The following RELN variants were observed in gnomAD, a reference collection of about 807,000 sequenced individuals.
RELN encodes the protein reelin.
Under a neutral mutation model 427.6 loss-of-function variants are expected in RELN, and 108 were observed. The ratio of observed to expected loss-of-function variants is 0.25; its 90% confidence interval spans 0.22 to 0.30. The LOEUF (loss-of-function observed/expected upper bound fraction) is 0.30. RELN is among the 10% of genes least tolerant of loss of function. The pLI is 1.00. For synonymous variants in RELN, 1,524 were observed against 1,513.4 expected (o/e 1.01, Z -0.16); for missense variants, 3,715 against 4,302.8 (o/e 0.86, Z 3.82).
At chr7:103,834,727 G>A (rs1377098210) in intron 2 of RELN, among the ~76,000 whole-genome samples, 2 of 152,100 alleles carry the variant, frequency 1.3e-5, no homozygotes, top group Non-Finnish European at 2.9e-5. Context: ...TTAGGGAACT[G>A]CACATTGAAA....
chr7:103,879,577 A>G (rs776677682), intron 2 of RELN, among the ~76,000 whole-genome samples: 1 of 152,172 alleles, frequency 6.6e-6, no homozygotes, highest in Non-Finnish European at 1.5e-5. Context: ...ACCAACAACT[A>G]GGCTTCCTGC....
chr7:103,489,326 G>A (rs1033863893), intron 60 of RELN, among the ~76,000 whole-genome samples: 2 of 152,046 alleles, frequency 1.3e-5, no homozygotes, highest in Non-Finnish European at 2.9e-5. Context: ...TGAGGAAGGA[G>A]GGATACTGGT....
rs772610652 is a variant in RELN, at chr7:103,573,581, A to G, written c.4511+511T>C. 6.6e-6 allele frequency among the ~76,000 whole-genome samples: 1 copy of G among 152,246 alleles called. No individual in the cohort carries two copies. Among genetic ancestry groups the G allele is most frequent in the Non-Finnish European group, 1.5e-5 (1 of 68,044 alleles). ...AAATAATTTAATTGCTCTTTTAAAA[A>G]GCAGTTTTATTTTAGGTGTGCTATT... On this transcript the variant is annotated intron_variant, in intron 30 of 64. Transcript: ENST00000428762. This position sits in a 1 kb window ranked among gnomAD's most constrained non-coding sequence, Gnocchi z 4.4.
Position 103,561,968 on chromosome 7 carries a change from A to C in RELN, c.5211-15T>G. The C allele has an allele frequency of 6.2e-7, 1 of 1,605,202 alleles. No individual in the cohort carries two copies. Among genetic ancestry groups the C allele is most frequent in the Middle Eastern group, 1.7e-4 (1 of 6,042 alleles). ...TCCTGGGAGAACTAACCAAAAAAAA[A>C]AAAAAAAAAACACACCACTGGTTTG... On this transcript the variant is annotated splice_polypyrimidine_tract_variant and intron_variant, in intron 34 of 64. Transcript: ENST00000428762.
Position 103,917,260 on chromosome 7 carries a change from T to C in RELN, c.227-75A>G, listed in dbSNP as rs370105826. ...CAATATATTTCTGAAGTGTTAGACA[T>C]TGTCAAAACAATCTTTACTCATTAA... is the stretch of plus-strand genomic sequence containing the variant. On this transcript the variant is annotated intron_variant, in intron 1 of 64. Coordinates refer to ENST00000428762, the MANE Select transcript of RELN (RefSeq NM_005045.4). The C allele has an allele frequency of 9.4e-5, 107 of 1,144,060 alleles. 1 individual carries two copies. The highest frequency in any genetic ancestry group is 8.2e-4 in the East Asian group (35 of 42,582). The allele number at this position is 1,144,060 out of a possible 1,614,324, so 70.9% of individuals were successfully genotyped here. A position where few individuals can be genotyped will look rare whatever the true frequency, so the allele number is the denominator to read the frequency against.
chr7:103,596,712 A>T, intron 24 of RELN, 51 bp from the exon 25 acceptor site: 1 of 1,535,644 alleles, frequency 6.5e-7, no homozygotes, highest in Non-Finnish European at 9.0e-7. Context: ...GTTCTTTGGC[A>T]TTTTGTTGTT....
intron 3 of RELN, among the ~76,000 whole-genome samples, chr7:103,818,353 G>A (rs937825505): frequency 5.9e-5 from 9 of 152,158 alleles, no homozygotes; most frequent in African/African-American, 2.2e-4. Context: ...ACTGCAAAAT[G>A]AGAAACAATG....
intron 43 of RELN, among the ~76,000 whole-genome samples, chr7:103,540,941 A>G (rs1830164778): frequency 1.3e-5 from 2 of 152,168 alleles, no homozygotes; most frequent in Admixed American, 1.3e-4. Flanking sequence ...TTCAGATCTC[A>G]TATTATTGGC....
chr7:103,766,816 C>T (rs887327557), intron 4 of RELN, among the ~76,000 whole-genome samples: 3 of 152,224 alleles, frequency 2.0e-5, no homozygotes, highest in African/African-American at 7.2e-5. Context: ...ACTGCTGAGC[C>T]TGGCAGAAAG....
chr7:103,554,869 T>C (rs562774537), intron 38 of RELN, among the ~76,000 whole-genome samples: 12 of 152,332 alleles, frequency 7.9e-5, no homozygotes, highest in African/African-American at 2.9e-4. Context: ...GAGCAATTCA[T>C]GCTTTTTAGG....
intron 60 of RELN, among the ~76,000 whole-genome samples, chr7:103,488,829 T>C (rs1828539154): frequency 6.6e-6 from 1 of 152,178 alleles, no homozygotes; most frequent in African/African-American, 2.4e-5. Flanking sequence ...ATAATTATAT[T>C]AACCATAGAT....
In RELN at chr7:103,569,066, TG is replaced by T. The variant is rs1438051302; in HGVS notation, c.4589-2308del. Reference sequence around the variant, plus strand: ...CTTGCTTCTAATGAATAGAATATGGTGGAAGTAATGGTGTGTAACTTTGGAA... The same window carrying T: ...CTTGCTTCTAATGAATAGAATATGGTGAAGTAATGGTGTGTAACTTTGGAA... On this transcript the variant is annotated intron_variant, in intron 31 of 64. Transcript: ENST00000428762. The surrounding 1 kb of genome is among the most constrained non-coding windows in gnomAD (Gnocchi z 4.0). 6.6e-6 allele frequency among the ~76,000 whole-genome samples: 1 copy of T among 152,196 alleles called. No homozygotes were observed. The highest frequency in any genetic ancestry group is 1.5e-5 in the Non-Finnish European group (1 of 68,036).
intron 49 of RELN, among the ~76,000 whole-genome samples, chr7:103,515,793 T>A (rs1001121584): frequency 1.3e-5 from 2 of 152,132 alleles, no homozygotes; most frequent in African/African-American, 4.8e-5. Flanking sequence ...ATGCTGACTT[T>A]TTTCTGTCAC....
intron 3 of RELN, among the ~76,000 whole-genome samples, chr7:103,801,759 C>G (rs1038592320): frequency 2.0e-5 from 3 of 151,930 alleles, no homozygotes; most frequent in Admixed American, 2.0e-4. Flanking sequence ...CTCTGTGCCC[C>G]ACTAATGATA....
At chr7:103,873,886 G>A (rs1190774491) in intron 2 of RELN, among the ~76,000 whole-genome samples, 8 of 114,172 alleles carry the variant, frequency 7.0e-5, no homozygotes, top group Non-Finnish European at 1.3e-4. Flanking sequence ...TACCAAAGCC[G>A]GGCAGAGACA....
intron 2 of RELN, among the ~76,000 whole-genome samples, chr7:103,899,561 G>T (rs192958975): frequency 6.6e-6 from 1 of 152,046 alleles, no homozygotes; most frequent in African/African-American, 2.4e-5. Context: ...CTAGCAAACC[G>T]AATCCAGCAG....
chr7:103,638,068 A>AT lies in RELN; in HGVS notation c.2070-1601dup, dbSNP rs200133859. Among the ~76,000 whole-genome samples, 547 of 139,584 alleles carry AT rather than the reference A, an allele frequency of 3.9e-3. 1 individual carries two copies. The highest frequency in any genetic ancestry group is 0.013 in the African/African-American group (464 of 35,088). 91.6% of individuals were successfully genotyped at this position (139,584 alleles called of 152,430 possible). Reference sequence around the variant, plus strand: ...AAAGATAAAGTAGTTTTTTAAAAATATTTTTTAAAAAAAACAAAAAACTTT... The same window carrying AT: ...AAAGATAAAGTAGTTTTTTAAAAATATTTTTTTAAAAAAAACAAAAAACTTT... On this transcript the variant is annotated intron_variant, in intron 17 of 64. Coordinates refer to ENST00000428762, the MANE Select transcript of RELN (RefSeq NM_005045.4).
intron 27 of RELN, among the ~76,000 whole-genome samples, chr7:103,592,694 T>G (rs964491473): frequency 2.0e-5 from 3 of 152,196 alleles, no homozygotes; most frequent in Admixed American, 1.3e-4. Context: ...TTGCAGACTT[T>G]AATACCTACA....
chr7:103,747,508 T>G (rs1790873895), intron 6 of RELN, among the ~76,000 whole-genome samples: 1 of 152,184 alleles, frequency 6.6e-6, no homozygotes, highest in Admixed American at 6.6e-5. Flanking sequence ...TTTGCTTTTC[T>G]CATGGTATCC....
Sources: gnomAD v4.1 joint callset for allele counts (sites outside exome capture counted in the v4.1 genomes callset) on GRCh38, gnomAD v4.1.1 for gene constraint, Gnocchi (gnomAD v3.1) non-coding constraint, MANE v1.5 for transcripts, NCBI Gene and HGNC (gene_info 2026-07-23, HGNC 2026-07-21) for gene names.